The following SULT1A2 variants were observed in gnomAD, a reference collection of about 807,000 sequenced individuals.
SULT1A2 encodes the protein sulfotransferase 1A2.
A neutral mutation model predicts 36.0 loss-of-function variants in SULT1A2; 33 were observed. The observed-to-expected ratio is 0.92, with a 90% CI of 0.69 to 1.22. The LOEUF is 1.22. SULT1A2 is among the 50% of genes most tolerant of loss of function. SULT1A2 has a pLI of 0.00. For missense variants in SULT1A2, 367 were observed against 383.2 expected (o/e 0.96, Z 0.35); for synonymous variants, 138 against 144.5 (o/e 0.96, Z 0.32).
At chr16:28,593,015 A>C (rs1361978819) in intron 6 of SULT1A2, among the ~76,000 whole-genome samples, 1 of 152,102 alleles carries the variant, frequency 6.6e-6, no homozygotes, top group Non-Finnish European at 1.5e-5. Context: ...TGTCTCAAAA[A>C]AAAAAGTAGC....
intron 1 of SULT1A2, 115 bp from the exon 2 acceptor site, chr16:28,596,049 C>A: frequency 1.3e-6 from 2 of 1,571,934 alleles, no homozygotes; most frequent in South Asian, 1.2e-5. Flanking sequence ...GTGACTTGCC[C>A]GCACTCACAA....
intron 4 of SULT1A2, 99 bp downstream of exon 4, chr16:28,595,266 TGG>T: frequency 1.3e-6 from 2 of 1,495,040 alleles, no homozygotes; most frequent in South Asian, 1.3e-5. Flanking sequence ...GTTTTTTTTT[TGG>T]AAGAGACTTA....
At chr16:28,593,952 C>G (rs993009831) in intron 4 of SULT1A2, among the ~76,000 whole-genome samples, 6 of 152,034 alleles carry the variant, frequency 3.9e-5, no homozygotes, top group Non-Finnish European at 7.4e-5. Flanking sequence ...GACAGTCCCC[C>G]CCGTGGAAGA....
intron 6 of SULT1A2, 146 bp downstream of exon 6, chr16:28,593,106 T>G: frequency 8.1e-7 from 1 of 1,230,626 alleles, no homozygotes; most frequent in Non-Finnish European, 1.1e-6. Flanking sequence ...GGGGCTGCAG[T>G]GGGGCCTGGG....
Position 28,592,397 on chromosome 16 carries a change from G to C in SULT1A2, c.641C>G (p.Ser214Cys). 1 of 1,614,126 alleles carries C rather than the reference G, an allele frequency of 6.2e-7. No individual in the cohort carries two copies. Among genetic ancestry groups the C allele is most frequent in the Non-Finnish European group, 8.5e-7 (1 of 1,179,972 alleles). The change falls in exon 7 of 8, where the codon TCC becomes TGC. Residue 214 changes from serine to cysteine, a missense_variant. Coordinates refer to ENST00000335715, the MANE Select transcript of SULT1A2 (RefSeq NM_001054.4). ...IQKILEFVGR[S>C]LPEETVDLMV... ...GAGGTCCACAGTCTCCTCTGGCAGG[G>C]AGCGCCCCACAAACTCCAGGATCTT...
rs749566336 is a variant in SULT1A2 at position 28,595,789 on chromosome 16, T to C, written c.142A>G (p.Lys48Glu). The C allele has an allele frequency of 8.7e-6, 14 of 1,612,630 alleles. No homozygotes were observed. Among genetic ancestry groups the C allele is most frequent in the Non-Finnish European group, 1.1e-5 (13 of 1,179,374 alleles). Reference protein sequence around the residue: ...PDDLLISTYPKSGTTWVSQIL... With the variant: ...PDDLLISTYPESGTTWVSQIL... The stretch of plus-strand genomic sequence containing the variant: ...GGTGGCCCTCCTCACCTACCGGACT[T>C]GGGGTAGGTGCTGATGAGCAGGTCA... Residue 48 changes from lysine to glutamate, a missense_variant, in exon 2 of 8, where the codon AAG (lysine) becomes GAG (glutamate). Lys to Glu is a moderately conservative substitution (Grantham distance 56). Transcript: ENST00000335715.
At position 28,595,671 on chromosome 16, in the gene SULT1A2, G is replaced by A. The variant is rs761046763; in HGVS notation, c.153C>T (p.Thr51=). 2.9e-5 allele frequency: 47 copies of A among 1,613,960 alleles called. No individual in the cohort carries two copies. Among genetic ancestry groups the A allele is most frequent in the South Asian group, 5.5e-5 (5 of 91,088 alleles). ...TGTCCAGAATCTGGCTCACCCAGGT[G>A]GTGCCTGGAGAGGGAGGGAGATGGG... The part of the protein sequence containing the change: ...LLISTYPKSG[T]TWVSQILDMI... The change falls in exon 3 of 8, where the codon ACC becomes ACT. Residue 51 remains threonine (T), a synonymous_variant. Transcript: ENST00000335715.
Position 28,592,593 on chromosome 16 carries a change from G to C in SULT1A2, c.595-150C>G. 3 of 1,425,444 alleles carry C rather than the reference G, an allele frequency of 2.1e-6. No individual in the cohort carries two copies. The East Asian group carries it at 7.4e-5, about 35-fold the overall frequency. 88.3% of individuals were successfully genotyped at this position (1,425,444 alleles called of 1,614,324 possible). A position where few individuals can be genotyped will look rare whatever the true frequency, so the allele number is the denominator to read the frequency against. Reference sequence around the variant, plus strand: ...CTCGACCCCTGGGACCCCAGTCCCTGGGGCAAAATGAATTGCTGTCTGCCC... The same window carrying C: ...CTCGACCCCTGGGACCCCAGTCCCTCGGGCAAAATGAATTGCTGTCTGCCC... On this transcript the variant is annotated intron_variant, in intron 6 of 7. Transcript: ENST00000335715.
intron 1 of SULT1A2, chr16:28,596,191 A>G: frequency 1.5e-6 from 2 of 1,378,102 alleles, no homozygotes; most frequent in Non-Finnish European, 9.5e-7. Context: ...GGTGCAGACC[A>G]GTGAAAGCAC....
rs1237158810 is a variant in SULT1A2 at position 28,595,343 on chromosome 16, G to A, written c.372+24C>T. ...CTCCCAAAGTACTGAGATTGCGGGT[G>A]TGAACCACTGTGCCCAGTCTCACCT... On this transcript the variant is annotated intron_variant, in intron 4 of 7. Coordinates refer to ENST00000335715, the MANE Select transcript of SULT1A2 (RefSeq NM_001054.4). 4 of 1,613,412 alleles carry A rather than the reference G, an allele frequency of 2.5e-6. No homozygotes were observed. In the East Asian group the frequency reaches 6.7e-5, roughly 27 times the overall value.
At position 28,597,012 on chromosome 16, in the gene SULT1A2, C is replaced by A; in HGVS notation, c.-20G>T. ...TGTCACTCACCTGAGCTCTTGGGAA[C>A]CTGGCCTTGTGCCCTCCTCGCCCGC... On this transcript the variant is annotated 5_prime_UTR_variant, in exon 1 of 8. Coordinates refer to ENST00000335715, the MANE Select transcript of SULT1A2 (RefSeq NM_001054.4). The A allele has an allele frequency of 1.6e-6, 2 of 1,280,856 alleles. No homozygotes were observed. The highest frequency in any genetic ancestry group is 1.2e-5 in the South Asian group (1 of 80,448). The allele number at this position is 1,280,856 out of a possible 1,614,324, so 79.3% of individuals were successfully genotyped here. A position where few individuals can be genotyped will look rare whatever the true frequency, so the allele number is the denominator to read the frequency against.
In SULT1A2 at chr16:28,595,539, G is replaced by A; in HGVS notation, c.274+11C>T. ...CTTCCTCCACTCCCCTTGCACCCAG[G>A]ACACACACACCTGAGGGAATCCCTG... On this transcript the variant is annotated intron_variant, in intron 3 of 7. Coordinates refer to ENST00000335715, the MANE Select transcript of SULT1A2 (RefSeq NM_001054.4). The A allele has an allele frequency of 6.2e-7, 1 of 1,614,126 alleles. No individual in the cohort carries two copies. Among genetic ancestry groups the A allele is most frequent in the Admixed American group, 1.7e-5 (1 of 60,018 alleles).
At chr16:28,592,521 CAG>C (rs1398237009) in intron 6 of SULT1A2, 78 bp from the exon 7 acceptor site, 12 of 1,603,756 alleles carry the variant, frequency 7.5e-6, no homozygotes, top group African/African-American at 5.4e-5. Context: ...TCTCTAACCT[CAG>C]AGGGGAACTG....
chr16:28,593,147 G>A, intron 6 of SULT1A2, 105 bp downstream of exon 6: 1 of 1,533,084 alleles, frequency 6.5e-7, no homozygotes, highest in East Asian at 2.3e-5. Context: ...ATCCGGGCCT[G>A]CTGGAGGGGC....
intron 1 of SULT1A2, chr16:28,596,148 C>T (rs1261510534): frequency 1.6e-5 from 22 of 1,343,068 alleles, no homozygotes; most frequent in East Asian, 2.5e-5. Context: ...CATTCACCTG[C>T]GGAGCTGTTC....
chr16:28,593,559 C>T lies in SULT1A2; in HGVS notation c.382G>A (p.Val128Ile). ...LLDQKVKVVYVARNAKDVAVS... is the reference protein window; with the variant it reads ...LLDQKVKVVYIARNAKDVAVS... ...GCCACATCCTTTGCGTTGCGGGCAA[C>T]ATAGACCACCTGCAGGGGCAGAAGA... The change falls in exon 5 of 8, where the codon GTT (valine) becomes ATT (isoleucine). Residue 128 changes from valine to isoleucine, a missense_variant. By Grantham distance (29) the Val-to-Ile change is conservative. Transcript: ENST00000335715. The T allele has an allele frequency of 6.2e-7, 1 of 1,614,132 alleles. No individual in the cohort carries two copies. The highest frequency in any genetic ancestry group is 8.5e-7 in the Non-Finnish European group (1 of 1,180,024).
rs1018834317 is a variant in SULT1A2 at position 28,592,438 on chromosome 16, G to C, written c.600C>G (p.Pro200=). ...CCAGGATCTTTTGAATCTCCCTTTT[G>C]GGGTTCTGAGCAGCAGAGGGCTCCT... The part of the protein sequence containing the change: ...YLFYEDMKEN[P]KREIQKILEF... Residue 200 remains proline, a synonymous_variant, in exon 7 of 8, where the codon CCC becomes CCG. Coordinates refer to ENST00000335715, the MANE Select transcript of SULT1A2 (RefSeq NM_001054.4). 3.7e-6 allele frequency: 6 copies of C among 1,614,170 alleles called. No homozygotes were observed. Among genetic ancestry groups the C allele is most frequent in the East Asian group, 2.2e-5 (1 of 44,874 alleles).
intron 1 of SULT1A2, 85 bp downstream of exon 1, chr16:28,596,912 T>G (rs2047065174): frequency 1.0e-6 from 1 of 976,338 alleles, no homozygotes. Flanking sequence ...AGGGCAGGGA[T>G]AGCAGAGGCC....
chr16:28,594,007 G>C (rs2047029537), intron 4 of SULT1A2, among the ~76,000 whole-genome samples: 1 of 151,960 alleles, frequency 6.6e-6, no homozygotes, highest in Non-Finnish European at 1.5e-5. Flanking sequence ...CAGAAGAACA[G>C]GACCAAAGCT....
Sources: allele counts gnomAD v4.1 joint callset (sites outside exome capture counted in the v4.1 genomes callset), GRCh38; gene constraint gnomAD v4.1.1; transcripts MANE v1.5; gene names NCBI Gene and HGNC (gene_info 2026-07-23, HGNC 2026-07-21).